The following RAPGEF2 variants were observed in gnomAD, a reference collection of about 807,000 sequenced individuals.
RAPGEF2 encodes Rap guanine nucleotide exchange factor 2.
In RAPGEF2, 54 loss-of-function variants were observed where a neutral mutation model predicts 186.7. The ratio of observed to expected loss-of-function variants is 0.29; its 90% CI spans 0.23 to 0.36. The LOEUF is 0.36. Among genes scored for constraint, RAPGEF2 ranks in the 10% least tolerant of loss-of-function variants. The pLI, the probability that RAPGEF2 is intolerant of heterozygous loss-of-function variation, is 1.00. For missense variants in RAPGEF2, 1,532 were observed against 2,045.0 expected, an observed-to-expected ratio of 0.75 and a Z score of 4.84; for synonymous variants, 712 against 705.9, an observed-to-expected ratio of 1.01 and a Z score of -0.14.
chr4:159,117,008 C>T (rs1326625545), intron 1 of RAPGEF2, among the ~76,000 whole-genome samples: 1 of 152,134 alleles, frequency 6.6e-6, no homozygotes, highest in African/African-American at 2.4e-5. Flanking sequence ...GCACATTCTG[C>T]ACATGTATCC....
At chr4:159,160,552 G>A (rs568298761) in intron 1 of RAPGEF2, among the ~76,000 whole-genome samples, 13 of 152,238 alleles carry the variant, frequency 8.5e-5, no homozygotes, top group Admixed American at 8.5e-4. Context: ...GCAAACTTCA[G>A]TAGCAATTTG....
At chr4:159,280,056 C>G (rs1427412445) in intron 7 of RAPGEF2, among the ~76,000 whole-genome samples, 1 of 152,124 alleles carries the variant, frequency 6.6e-6, no homozygotes, top group African/African-American at 2.4e-5. Flanking sequence ...AATTTCCCAT[C>G]CATATGGTTC....
intron 7 of RAPGEF2, among the ~76,000 whole-genome samples, chr4:159,283,561 TTATC>T (rs1760025473): frequency 6.6e-6 from 1 of 152,184 alleles, no homozygotes; most frequent in African/African-American, 2.4e-5. Context: ...ACATGAATCA[TTATC>T]AGAGAGAAAT....
At chr4:159,219,939 A>G (rs1250132606) in intron 4 of RAPGEF2, among the ~76,000 whole-genome samples, 1 of 152,252 alleles carries the variant, frequency 6.6e-6, no homozygotes, top group African/African-American at 2.4e-5. Flanking sequence ...GTGGTGCTGA[A>G]CTAAAAGAGA....
At chr4:159,241,571 C>G (rs1192625516) in intron 6 of RAPGEF2, among the ~76,000 whole-genome samples, 6 of 148,298 alleles carry the variant, frequency 4.0e-5, no homozygotes, top group Non-Finnish European at 8.9e-5. Context: ...ATTATTTAAA[C>G]ATTTATTATA....
intron 3 of RAPGEF2, among the ~76,000 whole-genome samples, chr4:159,194,899 T>G (rs1748473807): frequency 6.6e-6 from 1 of 152,144 alleles, no homozygotes; most frequent in Non-Finnish European, 1.5e-5. Flanking sequence ...TTAGATAGAT[T>G]GAGTGTCTGG....
chr4:159,286,227 C>T (rs61409030), intron 7 of RAPGEF2, among the ~76,000 whole-genome samples: 13,569 of 152,102 alleles, frequency 0.089, 2,029 homozygotes, highest in African/African-American at 0.31. Flanking sequence ...CCTCAGGTTG[C>T]TCAAACCTCT....
intron 1 of RAPGEF2, among the ~76,000 whole-genome samples, chr4:159,152,520 T>C (rs532326152): frequency 1.3e-5 from 2 of 152,360 alleles, no homozygotes; most frequent in South Asian, 2.1e-4. Context: ...AAGAATACTT[T>C]ATTGTGGAAT....
chr4:159,172,740 A>C (rs1399421432), intron 1 of RAPGEF2, among the ~76,000 whole-genome samples: 13 of 152,206 alleles, frequency 8.5e-5, no homozygotes, highest in Admixed American at 8.5e-4. Context: ...AATTCAAAAC[A>C]TGTATTGAAA....
intron 3 of RAPGEF2, among the ~76,000 whole-genome samples, chr4:159,199,523 T>C (rs539244464): frequency 2.0e-5 from 3 of 152,232 alleles, no homozygotes; most frequent in African/African-American, 7.2e-5. Flanking sequence ...GATCTGTAGA[T>C]AAAGACCTTC....
intron 7 of RAPGEF2, among the ~76,000 whole-genome samples, chr4:159,263,014 T>A (rs1345450707): frequency 1.3e-5 from 2 of 152,194 alleles, no homozygotes; most frequent in Non-Finnish European, 2.9e-5. Flanking sequence ...TGCATTGGTT[T>A]CTTTCACATT....
At chr4:159,126,036 A>G (rs1245752223) in intron 1 of RAPGEF2, among the ~76,000 whole-genome samples, 1 of 152,206 alleles carries the variant, frequency 6.6e-6, no homozygotes, top group Non-Finnish European at 1.5e-5. Context: ...AGCACTTCCC[A>G]ATAGCAATGT....
chr4:159,110,066 C>A (rs1029274465), intron 1 of RAPGEF2, among the ~76,000 whole-genome samples: 1 of 152,144 alleles, frequency 6.6e-6, no homozygotes, highest in Non-Finnish European at 1.5e-5. Flanking sequence ...AATGTGTGCA[C>A]GTTTTATATC....
intron 4 of RAPGEF2, among the ~76,000 whole-genome samples, chr4:159,217,358 G>T (rs11935711): frequency 0.13 from 19,128 of 152,060 alleles, 2,482 homozygotes; most frequent in African/African-American, 0.33. Flanking sequence ...AGTGTTTGTT[G>T]TTGCCATGTT....
intron 1 of RAPGEF2, among the ~76,000 whole-genome samples, chr4:159,174,456 G>A (rs1198666393): frequency 1.3e-5 from 2 of 152,166 alleles, no homozygotes; most frequent in Non-Finnish European, 2.9e-5. Context: ...ACACCAACTT[G>A]AATTAGAAGA....
rs1649559578 is a variant in RAPGEF2, at chr4:159,329,926, T to C, written c.1218T>C (p.Val406=). The change falls in exon 12 of 30, where the codon GTT becomes GTC. Residue 406 remains valine, a synonymous_variant. Transcript: ENST00000691494. ...AAGTAGAAAAGAACATGCAAAAAGT[T>C]GAAGAGGAAGGAGAGATTGTTATGG... The part of the protein sequence containing the change: ...LNQVEKNMQK[V]EEEGEIVMVK... The C allele has an allele frequency of 1.9e-6, 3 of 1,613,462 alleles. No individual in the cohort carries two copies. The highest frequency in any genetic ancestry group is 2.5e-6 in the Non-Finnish European group (3 of 1,179,622).
At chr4:159,112,909 GATC>G in intron 1 of RAPGEF2, among the ~76,000 whole-genome samples, 1 of 152,132 alleles carries the variant, frequency 6.6e-6, no homozygotes, top group Non-Finnish European at 1.5e-5. Context: ...AAATTAACCA[GATC>G]ATCAAAGTTA....
chr4:159,164,616 A>G (rs149051513), intron 1 of RAPGEF2, among the ~76,000 whole-genome samples: 1 of 152,110 alleles, frequency 6.6e-6, no homozygotes, highest in South Asian at 2.1e-4. Context: ...TCTGGCATAT[A>G]ATAGGTAGTT....
intron 7 of RAPGEF2, among the ~76,000 whole-genome samples, chr4:159,288,996 A>G (rs1760852639): frequency 1.3e-5 from 2 of 152,090 alleles, no homozygotes; most frequent in South Asian, 4.1e-4. Flanking sequence ...AGCCATCACC[A>G]TCTATTACAT....
Sources: allele counts gnomAD v4.1 joint callset (sites outside exome capture counted in the v4.1 genomes callset), GRCh38; gene constraint gnomAD v4.1.1; transcripts MANE v1.5; gene names NCBI Gene and HGNC (gene_info 2026-07-23, HGNC 2026-07-21).